Variants in GAD1 observed in about 807,000 individuals in gnomAD.
GAD1 encodes the protein 67 kDa glutamic acid decarboxylase.
Under a neutral mutation model 75.2 loss-of-function variants are expected in GAD1, and 35 were observed. The observed-to-expected ratio is 0.47, with a 90% CI of 0.36 to 0.62. The LOEUF is 0.62. GAD1 is among the 20% of genes least tolerant of loss of function. The probability of loss-of-function intolerance (pLI) is 0.00; values close to 1 mark genes in which losing one functional copy is unlikely to be tolerated. For missense variants in GAD1, 490 were observed against 758.5 expected, an observed-to-expected ratio of 0.65 and a Z score of 4.16; for synonymous variants, 257 against 271.9, an observed-to-expected ratio of 0.95 and a Z score of 0.54.
upstream of GAD1, chr2:170,816,134 A>G (rs1362492): frequency 0.99 from 151,533 of 152,448 alleles, 75,318 homozygotes; most frequent in East Asian, 1. Flanking sequence ...TCAACCTTCA[A>G]ACGTGATTAA....
At chr2:170,828,773 T>C (rs1702131105) in intron 3 of GAD1, among the ~76,000 whole-genome samples, 1 of 144,836 alleles carries the variant, frequency 6.9e-6, no homozygotes, top group Non-Finnish European at 1.5e-5. Context: ...ACCTCTGCTG[T>C]CCTCACCCTC....
In GAD1 at chr2:170,826,471, G is replaced by A. The variant is rs1702028008; in HGVS notation, c.146-3004G>A. 2.0e-5 allele frequency among the ~76,000 whole-genome samples: 3 copies of A among 151,642 alleles called. No homozygotes were observed. In the South Asian group the frequency reaches 6.2e-4, roughly 32 times the overall value. ...TAATCCCAACTACTTGGGAGGCTGA[G>A]GCAAGAGAATCACTTGAACTTGGGA... On this transcript the variant is annotated intron_variant, in intron 3 of 16. Coordinates refer to ENST00000358196, the MANE Select transcript of GAD1 (RefSeq NM_000817.3).
In GAD1 at chr2:170,847,755, A is replaced by T. The variant is rs746752116; in HGVS notation, c.1082A>T (p.Asp361Val). The change falls in exon 11 of 17, where the codon GAT becomes GTT. Residue 361 changes from aspartate to valine, a missense_variant. By Grantham distance (152) the Asp-to-Val change is radical. Transcript: ENST00000358196. ...TTTGATCCGATACAAGAGATTGCAG[A>T]TATATGTGAGAAATATAACCTTTGG... Reference protein sequence around the residue: ...GAFDPIQEIADICEKYNLWLH... With the variant: ...GAFDPIQEIAVICEKYNLWLH... The T allele has an allele frequency of 1.2e-6, 2 of 1,614,060 alleles. No homozygotes were observed. The highest frequency in any genetic ancestry group is 1.7e-5 in the Admixed American group (1 of 60,018).
At chr2:170,848,438 A>T (rs1024163420) in intron 11 of GAD1, among the ~76,000 whole-genome samples, 6 of 151,152 alleles carry the variant, frequency 4.0e-5, no homozygotes, top group Non-Finnish European at 8.8e-5. Flanking sequence ...TGGAGGTTGC[A>T]GTGAGCTGGG....
chr2:170,854,874 T>C (rs1429464292), intron 14 of GAD1, among the ~76,000 whole-genome samples: 4 of 152,224 alleles, frequency 2.6e-5, no homozygotes, highest in Non-Finnish European at 5.9e-5. Context: ...TCTGCATTCA[T>C]CAACCTTTTG....
At chr2:170,830,026 C>T (rs969675567) in intron 4 of GAD1, among the ~76,000 whole-genome samples, 2 of 152,174 alleles carry the variant, frequency 1.3e-5, no homozygotes, top group African/African-American at 4.8e-5. Context: ...TGCTGAGCCT[C>T]ATAACCAACG....
At chr2:170,854,982 A>C (rs1044538904) in intron 14 of GAD1, among the ~76,000 whole-genome samples, 2 of 152,206 alleles carry the variant, frequency 1.3e-5, no homozygotes, top group African/African-American at 4.8e-5. Flanking sequence ...TTGTTTCAAA[A>C]ATATTTGTAT....
intron 7 of GAD1, among the ~76,000 whole-genome samples, chr2:170,844,374 G>C (rs1702585912): frequency 6.7e-6 from 1 of 149,540 alleles, no homozygotes; most frequent in Non-Finnish European, 1.5e-5. Flanking sequence ...GCTGTGTCTA[G>C]ATAATGCTAA....
At chr2:170,838,455 T>C (rs1702425126) in intron 6 of GAD1, among the ~76,000 whole-genome samples, 1 of 152,208 alleles carries the variant, frequency 6.6e-6, no homozygotes, top group Non-Finnish European at 1.5e-5. Context: ...CAATTTAAAT[T>C]AGGAAATATA....
At chr2:170,858,958 A>G (rs1474738432) in intron 16 of GAD1, 65 bp downstream of exon 16, 2 of 1,373,346 alleles carry the variant, frequency 1.5e-6, no homozygotes, top group Non-Finnish European at 1.0e-6. Context: ...GGACATCCTC[A>G]TTCCAATGTG....
At position 170,831,186 on chromosome 2, in the gene GAD1, C is replaced by T. The variant is rs1271415571; in HGVS notation, c.541C>T (p.Arg181Cys). 3.1e-6 allele frequency: 5 copies of T among 1,614,092 alleles called. No individual in the cohort carries two copies. The highest frequency in any genetic ancestry group is 3.4e-6 in the Non-Finnish European group (4 of 1,180,000). ...DCRDTLKYGV[R>C]TGHPRFFNQL... ...CAGAGACACCTTGAAGTATGGGGTT[C>T]GCACAGGTAAGGAGGAGAGTTGGGT... Residue 181 changes from arginine to cysteine, a missense_variant, in exon 5 of 17, where the codon CGC (arginine) becomes TGC (cysteine). Arg to Cys is a radical substitution (Grantham distance 180). This residue lies in a region of GAD1 where 324 missense variants were observed against 523.9 expected (regional missense o/e 0.62). Transcript: ENST00000358196.
intron 3 of GAD1, 140 bp from the exon 4 acceptor site, chr2:170,829,335 A>T: frequency 2.1e-6 from 2 of 966,380 alleles, no homozygotes; most frequent in Non-Finnish European, 3.2e-6. Flanking sequence ...TGCCAGAGCC[A>T]CTGTATTTAA....
chr2:170,842,505 C>T (rs1702538384), intron 6 of GAD1: 12 of 1,436,376 alleles, frequency 8.4e-6, no homozygotes, highest in Non-Finnish European at 1.2e-5. Context: ...CATGAGTTTG[C>T]CTCTTGGTAC....
chr2:170,825,043 T>C (rs1444717271), intron 3 of GAD1, among the ~76,000 whole-genome samples: 2 of 151,766 alleles, frequency 1.3e-5, no homozygotes, highest in South Asian at 2.1e-4. Flanking sequence ...TTGAAAAAAC[T>C]TGGGGGTGGG....
At chr2:170,835,213 T>A (rs11890416) in intron 5 of GAD1, among the ~76,000 whole-genome samples, 37,864 of 151,766 alleles carry the variant, frequency 0.25, 4,805 homozygotes, top group South Asian at 0.35. Flanking sequence ...TAAATGCTTT[T>A]AGTTAATTAA....
upstream of GAD1, among the ~76,000 whole-genome samples, chr2:170,813,833 T>G (rs972991745): frequency 1.3e-5 from 2 of 152,184 alleles, no homozygotes; most frequent in Non-Finnish European, 2.9e-5. Context: ...AACGTTATCC[T>G]CGGCAGACAG....
At position 170,829,627 on chromosome 2, in the gene GAD1, G is replaced by T; in HGVS notation, c.298G>T (p.Ala100Ser). The part of the protein sequence containing the change: ...RTETDFSNLF[A>S]RDLLPAKNGE... ...AGAGACTGACTTCTCTAATCTGTTTGCTAGAGGTAGCCCCTGCCCCACTCC... is the reference window on the plus strand; with the variant it reads ...AGAGACTGACTTCTCTAATCTGTTTTCTAGAGGTAGCCCCTGCCCCACTCC... Residue 100 changes from alanine to serine, a missense_variant, in exon 4 of 17, where the codon GCT becomes TCT. Coordinates refer to ENST00000358196, the MANE Select transcript of GAD1 (RefSeq NM_000817.3). 1 of 1,612,956 alleles carries T rather than the reference G, an allele frequency of 6.2e-7. No individual in the cohort carries two copies. The highest frequency in any genetic ancestry group is 8.5e-7 in the Non-Finnish European group (1 of 1,180,030).
At chr2:170,821,141 G>C (rs1339127830) in intron 2 of GAD1, among the ~76,000 whole-genome samples, 1 of 152,218 alleles carries the variant, frequency 6.6e-6, no homozygotes, top group Non-Finnish European at 1.5e-5. Flanking sequence ...GGTAGGGTAA[G>C]CGAGTGCTTG....
Position 170,818,284 on chromosome 2 carries a change from A to C in GAD1, c.-63-245A>C. On this transcript the variant is annotated intron_variant, in intron 1 of 16. Coordinates refer to ENST00000358196, the MANE Select transcript of GAD1 (RefSeq NM_000817.3). The surrounding 1 kb of genome is among the most constrained non-coding windows in gnomAD (Gnocchi z 5.9). The stretch of plus-strand genomic sequence containing the variant: ...GCTTCACTCCAGGTCGCGCCGATGC[A>C]CCGCCAGACTCGAGAGCGGCCCAGG... 5 of 257,390 alleles carry C rather than the reference A, an allele frequency of 1.9e-5. No homozygotes were observed. The highest frequency in any genetic ancestry group is 1.3e-4 in the South Asian group (3 of 23,926). 15.9% of individuals were successfully genotyped at this position (257,390 alleles called of 1,614,324 possible). A position where few individuals can be genotyped will look rare whatever the true frequency, so the allele number is the denominator to read the frequency against.
Sources: gnomAD v4.1 joint callset for allele counts (sites outside exome capture counted in the v4.1 genomes callset) on GRCh38, gnomAD v4.1.1 for gene constraint, gnomAD v4.1.1 regional missense constraint, Gnocchi (gnomAD v3.1) non-coding constraint, MANE v1.5 for transcripts, NCBI Gene and HGNC (gene_info 2026-07-23, HGNC 2026-07-21) for gene names.